Variants in WDPCP observed in about 807,000 individuals in gnomAD.
The protein encoded by WDPCP is WD repeat-containing and planar cell polarity effector protein fritz homolog.
WDPCP carries 71 observed loss-of-function variants against 93.1 expected under a neutral mutation model. That is an observed-to-expected ratio of 0.76 (90% CI 0.63 to 0.93). The LOEUF (loss-of-function observed/expected upper bound fraction) is 0.93, where lower values mean the gene tolerates loss of function less well. Among genes scored for constraint, WDPCP ranks in the 40% least tolerant of loss-of-function variants. The probability of loss-of-function intolerance (pLI) is 0.00; values close to 1 mark genes in which losing one functional copy is unlikely to be tolerated. For missense variants in WDPCP, 844 were observed against 887.4 expected (o/e 0.95, Z 0.62); for synonymous variants, 315 against 315.0 (o/e 1.00, Z 0.00).
In WDPCP at chr2:63,554,209, G is replaced by T. The variant is rs149152994; in HGVS notation, c.75+33988C>A. 1.8e-3 allele frequency among the ~76,000 whole-genome samples: 278 copies of T among 152,276 alleles called. 2 individuals carry two copies. Among genetic ancestry groups the T allele is most frequent in the African/African-American group, 5.9e-3 (246 of 41,546 alleles). On this transcript the variant is annotated intron_variant, in intron 1 of 17. Coordinates refer to ENST00000272321, the MANE Select transcript of WDPCP (RefSeq NM_015910.7). Reference sequence around the variant, plus strand: ...GCATAAAGCTGGTTACTTTATAGAAGTTTCTTCGCTTTGAATTTTTCTTAT... The same window carrying T: ...GCATAAAGCTGGTTACTTTATAGAATTTTCTTCGCTTTGAATTTTTCTTAT...
At chr2:63,531,456 T>C (rs993979192) in intron 1 of WDPCP, among the ~76,000 whole-genome samples, 2 of 152,054 alleles carry the variant, frequency 1.3e-5, no homozygotes, top group Non-Finnish European at 2.9e-5. Flanking sequence ...GACAGACACC[T>C]CATACAGCTG....
chr2:63,154,366 T>C (rs1397983223), intron 15 of WDPCP, among the ~76,000 whole-genome samples: 1 of 152,086 alleles, frequency 6.6e-6, no homozygotes, highest in African/African-American at 2.4e-5. Context: ...TAACTATAGT[T>C]TTGACTTCAC....
chr2:63,817,527 T>C (rs1485985419), intron 1 of WDPCP, among the ~76,000 whole-genome samples: 1 of 152,142 alleles, frequency 6.6e-6, no homozygotes, highest in Non-Finnish European at 1.5e-5. Flanking sequence ...GTTGACAAAC[T>C]ATAGTCCATG....
intron 12 of WDPCP, among the ~76,000 whole-genome samples, chr2:63,331,571 G>T (rs1314276116): frequency 6.6e-6 from 1 of 151,992 alleles, no homozygotes; most frequent in Non-Finnish European, 1.5e-5. Context: ...CAGTGCAAGG[G>T]GTTTAGATGA....
chr2:63,315,931 CTT>C (rs34452424), intron 12 of WDPCP, among the ~76,000 whole-genome samples: 9 of 145,438 alleles, frequency 6.2e-5, no homozygotes, highest in Admixed American at 2.0e-4. Context: ...TGGGGTAATA[CTT>C]TTTTTTTTTT....
chr2:63,245,565 C>T (rs1680206875), intron 14 of WDPCP, among the ~76,000 whole-genome samples: 1 of 152,002 alleles, frequency 6.6e-6, no homozygotes, highest in South Asian at 2.1e-4. Flanking sequence ...AATAGAAAAA[C>T]AATGCATGCC....
At chr2:63,273,113 T>C (rs911781619) in intron 13 of WDPCP, among the ~76,000 whole-genome samples, 2 of 151,944 alleles carry the variant, frequency 1.3e-5, no homozygotes, top group Admixed American at 1.3e-4. Context: ...AAAAAAAACA[T>C]GTCAGCCAAG....
chr2:63,263,587 A>G (rs2699395), intron 13 of WDPCP, among the ~76,000 whole-genome samples: 46,427 of 152,068 alleles, frequency 0.31, 8,555 homozygotes, highest in East Asian at 0.73. Flanking sequence ...TGTTTTCTTT[A>G]TAAATTACCC....
At chr2:63,576,443 G>A (rs1249358810) in intron 1 of WDPCP, among the ~76,000 whole-genome samples, 1 of 152,236 alleles carries the variant, frequency 6.6e-6, no homozygotes, top group Non-Finnish European at 1.5e-5. Flanking sequence ...ACAGCCAGAT[G>A]GAAGAAATGC....
intron 13 of WDPCP, among the ~76,000 whole-genome samples, chr2:63,271,756 C>G (rs1177174748): frequency 2.6e-5 from 4 of 152,032 alleles, no homozygotes; most frequent in Non-Finnish European, 5.9e-5. Context: ...CCCACCAACA[C>G]TAGCACCTGC....
intron 2 of WDPCP, among the ~76,000 whole-genome samples, chr2:63,688,236 C>A (rs1668838708): frequency 6.6e-6 from 1 of 152,052 alleles, no homozygotes; most frequent in African/African-American, 2.4e-5. Context: ...ACCAGCCTGG[C>A]TAACACGGTG....
intron 2 of WDPCP, among the ~76,000 whole-genome samples, chr2:63,792,691 T>C (rs1230988921): frequency 6.6e-6 from 1 of 152,116 alleles, no homozygotes. Flanking sequence ...ATGGCTGGAA[T>C]ACAGACAGAG....
intron 14 of WDPCP, among the ~76,000 whole-genome samples, chr2:63,219,044 A>G (rs886809726): frequency 6.6e-6 from 1 of 152,190 alleles, no homozygotes; most frequent in African/African-American, 2.4e-5. Flanking sequence ...GCTAATTATG[A>G]TGTTTAAATA....
intron 2 of WDPCP, among the ~76,000 whole-genome samples, chr2:63,677,007 CA>C (rs1234513840): frequency 5.3e-5 from 8 of 151,878 alleles, no homozygotes; most frequent in Non-Finnish European, 1.0e-4. Context: ...ATAATTATTT[CA>C]AAAAAATGTT....
At chr2:63,508,499 C>T (rs919158723) in intron 1 of WDPCP, among the ~76,000 whole-genome samples, 1 of 152,122 alleles carries the variant, frequency 6.6e-6, no homozygotes, top group Non-Finnish European at 1.5e-5. Flanking sequence ...ATCTAGAGAC[C>T]ATTGACACTA....
intron 1 of WDPCP, among the ~76,000 whole-genome samples, chr2:63,494,910 A>G (rs918717677): frequency 8.0e-6 from 1 of 125,280 alleles, no homozygotes; most frequent in Non-Finnish European, 1.6e-5. Context: ...ACAGAGCGAG[A>G]CTCCGTCTCA....
rs1395241718 is a variant in WDPCP at position 63,284,423 on chromosome 2, C to G, written c.1813-25014G>C. 2.0e-5 allele frequency among the ~76,000 whole-genome samples: 3 copies of G among 152,182 alleles called. No individual in the cohort carries two copies. In the East Asian group the frequency reaches 5.8e-4, roughly 29 times the overall value. Reference sequence around the variant, plus strand: ...TGTTCTAACCATATATCTTAGCAACCTCAGCATATGATTTTTTAATCTTTC... The same window carrying G: ...TGTTCTAACCATATATCTTAGCAACGTCAGCATATGATTTTTTAATCTTTC... On this transcript the variant is annotated intron_variant, in intron 13 of 17. Transcript: ENST00000272321.
At chr2:63,837,818 A>G in the WDPCP span, among the ~76,000 whole-genome samples, 1 of 152,242 alleles carries the variant, frequency 6.6e-6, no homozygotes, top group African/African-American at 2.4e-5. Flanking sequence ...AAGAGCAGAG[A>G]GTAGGGGCGG....
intron 2 of WDPCP, among the ~76,000 whole-genome samples, chr2:63,716,693 GTATTGATGCACTGCCCCATGAGGACTT>G (rs934105084): frequency 6.6e-6 from 1 of 152,148 alleles, no homozygotes; most frequent in Non-Finnish European, 1.5e-5. Context: ...GAAGGAGATG[GTATTGATGCACTGCCCCATGAGGACTT>G]TATTGGAAAA....
Sources: allele counts gnomAD v4.1 joint callset (sites outside exome capture counted in the v4.1 genomes callset), GRCh38; gene constraint gnomAD v4.1.1; transcripts MANE v1.5; gene names NCBI Gene and HGNC (gene_info 2026-07-23, HGNC 2026-07-21).